The following LRRC66 variants were observed in gnomAD, a reference collection of about 807,000 sequenced individuals.
LRRC66 encodes leucine-rich repeat-containing protein 66.
A neutral mutation model predicts 24.6 loss-of-function variants in LRRC66; 29 were observed. The observed-to-expected ratio is 1.18, with a 90% CI of 0.88 to 1.61. LRRC66 has a LOEUF of 1.61. Among genes scored for constraint, LRRC66 ranks in the 40% most tolerant of loss-of-function variants. The probability of loss-of-function intolerance (pLI) is 0.00; values close to 1 mark genes in which losing one functional copy is unlikely to be tolerated. For missense variants in LRRC66, 1,124 were observed against 1,058.0 expected, an observed-to-expected ratio of 1.06 and a Z score of -0.87; for synonymous variants, 411 against 397.6, an observed-to-expected ratio of 1.03 and a Z score of -0.40.
At position 51,996,078 on chromosome 4, in the gene LRRC66, C is replaced by T; in HGVS notation, c.944G>A (p.Ser315Asn). The T allele has an allele frequency of 3.1e-6, 5 of 1,614,062 alleles. No individual in the cohort carries two copies. Among genetic ancestry groups the T allele is most frequent in the Non-Finnish European group, 4.2e-6 (5 of 1,180,008 alleles). ...LPPIHLHRMK[S>N]LIRSKAERPQ... ...CCTCTCTGCTTTGCTCCTTATGAGG[C>T]TTTTCATGCGATGCAGATGAATGGG... is the stretch of plus-strand genomic sequence containing the variant. Residue 315 changes from serine to asparagine, a missense_variant, in exon 5 of 5, where the codon AGC becomes AAC. Physicochemically the swap from Ser to Asn is conservative, Grantham distance 46. Transcript: ENST00000682860.
At chr4:52,013,606 G>T (rs1465352017) in intron 2 of LRRC66, among the ~76,000 whole-genome samples, 1 of 152,166 alleles carries the variant, frequency 6.6e-6, no homozygotes, top group African/African-American at 2.4e-5. Flanking sequence ...ATTCATGGCT[G>T]GCTTCTGTTT....
At chr4:52,010,550 T>G (rs1736677075) in intron 2 of LRRC66, among the ~76,000 whole-genome samples, 1 of 152,170 alleles carries the variant, frequency 6.6e-6, no homozygotes, top group Non-Finnish European at 1.5e-5. Flanking sequence ...ACCCAAGATT[T>G]AGTTCCCACT....
At chr4:52,012,715 G>C (rs1037685139) in intron 2 of LRRC66, among the ~76,000 whole-genome samples, 16 of 152,116 alleles carry the variant, frequency 1.1e-4, no homozygotes, top group Admixed American at 7.9e-4. Flanking sequence ...GGAAAATATA[G>C]AGGTACTCTG....
intron 2 of LRRC66, among the ~76,000 whole-genome samples, chr4:52,013,238 C>A (rs1305752050): frequency 6.6e-6 from 1 of 152,146 alleles, no homozygotes; most frequent in Non-Finnish European, 1.5e-5. Context: ...AATAAAGGAA[C>A]ACAATATACT....
chr4:52,007,448 A>T (rs1402766716), intron 2 of LRRC66, among the ~76,000 whole-genome samples: 4 of 152,168 alleles, frequency 2.6e-5, no homozygotes, highest in African/African-American at 9.7e-5. Context: ...GGCCTCCCAA[A>T]GTGTTGGGAT....
rs1177604917 is a variant in LRRC66 at position 52,003,374 on chromosome 4, G to A, written c.515C>T (p.Ser172Leu). ...GAATGACAGATCCAAACTCTGCAAT[G>A]ACTTCAGTTTCCACAGTCCTGTTAA... ...DTPKGLWKLK[S>L]LQSLDLSFNG... The change falls in exon 3 of 5, where the codon TCA (serine) becomes TTA (leucine). Residue 172 changes from serine (S) to leucine (L), a missense_variant. Ser to Leu is a moderately radical substitution (Grantham distance 145). Coordinates refer to ENST00000682860, the MANE Select transcript of LRRC66 (RefSeq NM_001024611.3). 6.2e-7 allele frequency: 1 copy of A among 1,612,884 alleles called. No homozygotes were observed. Among genetic ancestry groups the A allele is most frequent in the Non-Finnish European group, 8.5e-7 (1 of 1,179,704 alleles).
intron 4 of LRRC66, among the ~76,000 whole-genome samples, chr4:51,997,316 T>G (rs1365513036): frequency 6.6e-6 from 1 of 152,212 alleles, no homozygotes; most frequent in Admixed American, 6.5e-5. Context: ...AAAATAATGA[T>G]GTTTCTAATT....
chr4:52,015,403 T>C (rs932710968), intron 2 of LRRC66, among the ~76,000 whole-genome samples: 1 of 151,954 alleles, frequency 6.6e-6, no homozygotes, highest in African/African-American at 2.4e-5. Context: ...GTAGCAGGGG[T>C]AAGGAATGCT....
chr4:52,003,526 A>G, intron 2 of LRRC66, 134 bp from the exon 3 acceptor site: 1 of 647,874 alleles, frequency 1.5e-6, no homozygotes, highest in Non-Finnish European at 2.6e-6. Flanking sequence ...TGGTATATTA[A>G]TACTATGAAA....
intron 2 of LRRC66, among the ~76,000 whole-genome samples, chr4:52,005,256 G>A (rs745604783): frequency 6.6e-6 from 1 of 152,188 alleles, no homozygotes; most frequent in African/African-American, 2.4e-5. Context: ...ACATTTGGCT[G>A]GAGCTGAATG....
rs752487801 is a variant in LRRC66, at chr4:51,995,449, G to A, written c.1573C>T (p.Gln525Ter). Residue 525 changes from glutamine to a stop codon, truncating the protein, a stop_gained, in exon 5 of 5, where the codon CAG (glutamine) becomes TAG (stop). Coordinates refer to ENST00000682860, the MANE Select transcript of LRRC66 (RefSeq NM_001024611.3). LOFTEE classifies it low-confidence loss of function (END_TRUNC). ...ATATCATTCCTATGGATGTGGTCCT[G>A]CGCTGCTGACATTAGTTCACGGTTA... ...AGNRELMSAA[Q>*]DHIHRNDILG... The A allele has an allele frequency of 1.9e-6, 3 of 1,614,138 alleles. No homozygotes were observed. The highest frequency in any genetic ancestry group is 2.5e-6 in the Non-Finnish European group (3 of 1,180,028).
At position 51,995,518 on chromosome 4, in the gene LRRC66, C is replaced by A; in HGVS notation, c.1504G>T (p.Asp502Tyr). Residue 502 changes from aspartate to tyrosine, a missense_variant, in exon 5 of 5, where the codon GAT becomes TAT. Coordinates refer to ENST00000682860, the MANE Select transcript of LRRC66 (RefSeq NM_001024611.3). Reference protein sequence around the residue: ...GDNTGAGSGNDGAVYSILQRH... With the variant: ...GDNTGAGSGNYGAVYSILQRH... ...TGGAGAATGGAATAGACTGCACCAT[C>A]ATTTCCACTTCCTGCCCCGGTGTTG... 1.2e-6 allele frequency: 2 copies of A among 1,614,198 alleles called. No homozygotes were observed. Among genetic ancestry groups the A allele is most frequent in the South Asian group, 1.1e-5 (1 of 91,072 alleles).
chr4:52,005,400 G>A (rs186167491), intron 2 of LRRC66, among the ~76,000 whole-genome samples: 278 of 152,220 alleles, frequency 1.8e-3, no homozygotes, highest in African/African-American at 6.1e-3. Flanking sequence ...TTTGGAAGCC[G>A]AAGCGGGTGA....
chr4:52,004,009 A>AT (rs1272502583), intron 2 of LRRC66, among the ~76,000 whole-genome samples: 43 of 150,560 alleles, frequency 2.9e-4, no homozygotes, highest in Admixed American at 1.6e-3. Context: ...TTCTTATTCT[A>AT]TTTTTTTTTC....
Position 51,997,744 on chromosome 4 carries a change from T to TA in LRRC66, c.856+3_856+4insT. 6.2e-7 allele frequency: 1 copy of TA among 1,612,526 alleles called. No individual in the cohort carries two copies. Among genetic ancestry groups the TA allele is most frequent in the Admixed American group, 1.7e-5 (1 of 59,976 alleles). On this transcript the variant is annotated splice_donor_region_variant and intron_variant, in intron 4 of 4. Transcript: ENST00000682860. ...GCCTTTTCAGAGAGACATTACTGAC[T>TA]TACCTATAGACCTGTTGCAAATGAC...
At position 51,995,666 on chromosome 4, in the gene LRRC66, G is replaced by A. The variant is rs763973395; in HGVS notation, c.1356C>T (p.Tyr452=). The part of the protein sequence containing the change: ...LRQVFPHLSL[Y]ENQTPFWVTQ... ...TCACCCAGAAAGGGGTCTGGTTCTC[G>A]TAGAGGCTTAGATGAGGAAATACTT... The change falls in exon 5 of 5, where the codon TAC becomes TAT. Residue 452 remains tyrosine (Y), a synonymous_variant. Transcript: ENST00000682860. 3.1e-6 allele frequency: 5 copies of A among 1,614,114 alleles called. No homozygotes were observed. Among genetic ancestry groups the A allele is most frequent in the East Asian group, 4.5e-5 (2 of 44,862 alleles).
intron 3 of LRRC66, among the ~76,000 whole-genome samples, chr4:52,002,614 T>C (rs1736481657): frequency 6.6e-6 from 1 of 152,226 alleles, no homozygotes; most frequent in South Asian, 2.1e-4. Flanking sequence ...AGACAGGAAC[T>C]ATTGGGCCAA....
At chr4:52,017,074 T>TC in intron 2 of LRRC66, 44 bp downstream of exon 2, 1 of 1,546,730 alleles carries the variant, frequency 6.5e-7, no homozygotes, top group South Asian at 1.3e-5. Flanking sequence ...ATGAAACAAC[T>TC]CCACGTAAGC....
intron 3 of LRRC66, among the ~76,000 whole-genome samples, chr4:52,001,554 A>T (rs1736447419): frequency 6.6e-6 from 1 of 152,230 alleles, no homozygotes; most frequent in Admixed American, 6.5e-5. Flanking sequence ...CTGCATTTAT[A>T]AAGTACTTAC....
Sources: allele counts gnomAD v4.1 joint callset (sites outside exome capture counted in the v4.1 genomes callset), GRCh38; gene constraint gnomAD v4.1.1; transcripts MANE v1.5; gene names NCBI Gene and HGNC (gene_info 2026-07-23, HGNC 2026-07-21).